RABGAP1L: variants seen among roughly 807,000 people sequenced by gnomAD.
RABGAP1L encodes the protein RAB GTPase activating protein 1 like.
Under a neutral mutation model 137.7 loss-of-function variants are expected in RABGAP1L, and 63 were observed. The observed-to-expected ratio is 0.46, with a 90% CI of 0.37 to 0.56. The LOEUF (loss-of-function observed/expected upper bound fraction) is 0.56. RABGAP1L is among the 20% of genes least tolerant of loss of function. RABGAP1L has a pLI of 0.00. For missense variants in RABGAP1L, 1,095 were observed against 1,244.0 expected, an observed-to-expected ratio of 0.88 and a Z score of 1.80; for synonymous variants, 431 against 433.7, an observed-to-expected ratio of 0.99 and a Z score of 0.08.
intron 19 of RABGAP1L, among the ~76,000 whole-genome samples, chr1:174,934,524 C>T (rs982795477): frequency 6.6e-6 from 1 of 152,020 alleles, no homozygotes; most frequent in Non-Finnish European, 1.5e-5. Context: ...TGGTGGCTCG[C>T]GTGTGTAATC....
In RABGAP1L at chr1:174,924,493, A is replaced by T. The variant is rs752619722; in HGVS notation, c.2341-32964A>T. Among the ~76,000 whole-genome samples, 106 of 152,244 alleles carry T rather than the reference A, an allele frequency of 7.0e-4. 1 individual carries two copies. Among genetic ancestry groups the T allele is most frequent in the Non-Finnish European group, 1.2e-3 (83 of 68,008 alleles). On this transcript the variant is annotated intron_variant, in intron 19 of 25. Transcript: ENST00000681986. ...ATCAGAAGGGAGGACTTCATGAAAT[A>T]AATGGCATTTATGGAGAACTCTAAA...
chr1:174,604,976 AC>A (rs966492252), intron 13 of RABGAP1L, among the ~76,000 whole-genome samples: 1 of 152,072 alleles, frequency 6.6e-6, no homozygotes, highest in Admixed American at 6.6e-5. Context: ...CCCACTCTCT[AC>A]CAAAAATACA....
intron 11 of RABGAP1L, among the ~76,000 whole-genome samples, chr1:174,353,339 G>A (rs1683356174): frequency 6.6e-6 from 1 of 152,040 alleles, no homozygotes; most frequent in South Asian, 2.1e-4. Flanking sequence ...ATCCACCAAA[G>A]CTGCAAGCTG....
chr1:174,481,171 C>T (rs1485559979), intron 13 of RABGAP1L, among the ~76,000 whole-genome samples: 5 of 152,272 alleles, frequency 3.3e-5, no homozygotes, highest in South Asian at 2.1e-4. Context: ...CAGCCCACTC[C>T]GAAACAGCTG....
At chr1:174,611,895 C>T (rs766160264) in intron 13 of RABGAP1L, among the ~76,000 whole-genome samples, 14 of 152,122 alleles carry the variant, frequency 9.2e-5, no homozygotes, top group Non-Finnish European at 1.8e-4. Context: ...GTGATTTTTG[C>T]ACATTGATTT....
At chr1:174,382,884 A>G (rs1032424150) in intron 12 of RABGAP1L, among the ~76,000 whole-genome samples, 1 of 151,752 alleles carries the variant, frequency 6.6e-6, no homozygotes, top group Non-Finnish European at 1.5e-5. Flanking sequence ...TAGAGTTTCC[A>G]GTTTTTCTGT....
At chr1:174,351,791 T>TTTTTG (rs200500961) in intron 11 of RABGAP1L, among the ~76,000 whole-genome samples, 59 of 150,896 alleles carry the variant, frequency 3.9e-4, no homozygotes, top group African/African-American at 8.9e-4. Context: ...CTGTGTGTTT[T>TTTTTG]TTTTGTTTTG....
intron 14 of RABGAP1L, among the ~76,000 whole-genome samples, chr1:174,650,359 A>T (rs573921109): frequency 1.3e-5 from 2 of 152,302 alleles, no homozygotes; most frequent in South Asian, 2.1e-4. Context: ...AAAATGAGTT[A>T]GGGAGGATTC....
At chr1:174,895,009 G>A (rs1656894411) in intron 19 of RABGAP1L, among the ~76,000 whole-genome samples, 1 of 152,030 alleles carries the variant, frequency 6.6e-6, no homozygotes, top group South Asian at 2.1e-4. Flanking sequence ...TGCCCACCTC[G>A]GCCTCTTAAA....
chr1:174,254,929 G>C (rs1480101858), intron 7 of RABGAP1L, among the ~76,000 whole-genome samples: 3 of 152,134 alleles, frequency 2.0e-5, no homozygotes, highest in African/African-American at 7.2e-5. Flanking sequence ...TTCCACAATG[G>C]TTGAACTAAT....
At chr1:174,712,929 C>T (rs1680685265) in intron 17 of RABGAP1L, among the ~76,000 whole-genome samples, 1 of 152,052 alleles carries the variant, frequency 6.6e-6, no homozygotes, top group African/African-American at 2.4e-5. Flanking sequence ...CCCCCAGGGT[C>T]TTGGGGATTT....
intron 16 of RABGAP1L, 99 bp downstream of exon 16, chr1:174,699,749 T>C: frequency 8.5e-7 from 1 of 1,173,460 alleles, no homozygotes; most frequent in Non-Finnish European, 1.2e-6. Context: ...AGAAGTTTAA[T>C]GGAATATTAT....
intron 17 of RABGAP1L, among the ~76,000 whole-genome samples, chr1:174,735,568 C>A (rs538017722): frequency 7.9e-6 from 1 of 126,344 alleles, no homozygotes; most frequent in Admixed American, 9.5e-5. Flanking sequence ...GCTGAGATCA[C>A]GCCATTGCAC....
At position 174,190,070 on chromosome 1, in the gene RABGAP1L, C is replaced by T. The variant is rs1473635177; in HGVS notation, c.-33-29055C>T. Reference sequence around the variant, plus strand: ...CTGTAATCCCAGCACTTTGGGAGGCCGAGGCGGGTGGATCATGAGGTCAGG... The same window carrying T: ...CTGTAATCCCAGCACTTTGGGAGGCTGAGGCGGGTGGATCATGAGGTCAGG... On this transcript the variant is annotated intron_variant, in intron 1 of 25. Coordinates refer to ENST00000681986, the MANE Select transcript of RABGAP1L (RefSeq NM_001366446.1). Among the ~76,000 whole-genome samples the T allele has an allele frequency of 4.6e-5, 7 of 152,094 alleles. No individual in the cohort carries two copies. In the East Asian group the frequency reaches 7.7e-4, roughly 17 times the overall value.
intron 11 of RABGAP1L, among the ~76,000 whole-genome samples, chr1:174,310,128 GGTT>G (rs1678683606): frequency 6.6e-6 from 1 of 152,000 alleles, no homozygotes; most frequent in Admixed American, 6.6e-5. Flanking sequence ...ATGTCTTCTA[GGTT>G]GTTTAACTGT....
chr1:174,414,942 G>A (rs1367704455), intron 13 of RABGAP1L, among the ~76,000 whole-genome samples: 1 of 151,858 alleles, frequency 6.6e-6, no homozygotes, highest in African/African-American at 2.4e-5. Context: ...TTAATGGAAA[G>A]CCATTGAGTG....
intron 12 of RABGAP1L, among the ~76,000 whole-genome samples, chr1:174,386,471 C>G (rs951841837): frequency 6.6e-6 from 1 of 151,562 alleles, no homozygotes; most frequent in Non-Finnish European, 1.5e-5. Flanking sequence ...AGAGCCAGAA[C>G]AGGGTGTGTG....
Position 174,973,083 on chromosome 1 carries a change from A to G in RABGAP1L, c.2545-2995A>G, listed in dbSNP as rs1249293675. 3.3e-5 allele frequency among the ~76,000 whole-genome samples: 5 copies of G among 152,172 alleles called. No individual in the cohort carries two copies. In the East Asian group the frequency reaches 9.6e-4, roughly 29 times the overall value. On this transcript the variant is annotated intron_variant, in intron 21 of 25. Transcript: ENST00000681986. ...CTCAAGTTATTTCAGATCTGGCCCT[A>G]CTTTGATGAACAGAACAATTGCTCC...
chr1:174,480,160 A>G (rs1206948718), intron 13 of RABGAP1L, among the ~76,000 whole-genome samples: 1 of 152,080 alleles, frequency 6.6e-6, no homozygotes, highest in Non-Finnish European at 1.5e-5. Context: ...TGTTTTAAGG[A>G]TGTGGGTGGT....
Sources: allele counts gnomAD v4.1 joint callset (sites outside exome capture counted in the v4.1 genomes callset), GRCh38; gene constraint gnomAD v4.1.1; transcripts MANE v1.5; gene names NCBI Gene and HGNC (gene_info 2026-07-23, HGNC 2026-07-21).